HDAC5: variants seen among roughly 807,000 people sequenced by gnomAD.
HDAC5 encodes antigen NY-CO-9.
Under a neutral mutation model 133.3 loss-of-function variants are expected in HDAC5, and 25 were observed. The observed-to-expected ratio is 0.19, with a 90% CI of 0.14 to 0.26. The LOEUF (loss-of-function observed/expected upper bound fraction) is 0.26. Ranked by LOEUF, HDAC5 falls within the 10% of genes least tolerant of loss-of-function variation. HDAC5 has a pLI of 1.00. For synonymous variants in HDAC5, 589 were observed against 610.8 expected (o/e 0.96, Z 0.53); for missense variants, 1,041 against 1,460.5 (o/e 0.71, Z 4.68).
chr17:44,108,765 A>AC (rs1052353387), intron 3 of HDAC5, among the ~76,000 whole-genome samples: 2 of 146,664 alleles, frequency 1.4e-5, no homozygotes, highest in African/African-American at 5.3e-5. Context: ...AAAAAAACAA[A>AC]AAAAAAACAA....
chr17:44,084,778 G>A, intron 15 of HDAC5, 103 bp from the exon 16 acceptor site: 2 of 1,441,684 alleles, frequency 1.4e-6, no homozygotes, highest in Non-Finnish European at 1.9e-6. Context: ...GGCCTCAGGA[G>A]ATCCAAATAT....
intron 16 of HDAC5, among the ~76,000 whole-genome samples, 182 bp downstream of exon 16, chr17:44,084,373 C>G (rs900055494): frequency 6.6e-5 from 10 of 152,218 alleles, no homozygotes; most frequent in Non-Finnish European, 1.5e-5. Flanking sequence ...CGCCCCACAG[C>G]ATGCTCTATT....
In HDAC5 at chr17:44,088,579, G is replaced by C; in HGVS notation, c.1407C>G (p.Ser469=). 1 of 1,613,214 alleles carries C rather than the reference G, an allele frequency of 6.2e-7. No individual in the cohort carries two copies. The highest frequency in any genetic ancestry group is 8.5e-7 in the Non-Finnish European group (1 of 1,179,800). Residue 469 remains serine (S), a synonymous_variant, in exon 12 of 27, where the codon TCC becomes TCG. Coordinates refer to ENST00000682912, the MANE Select transcript of HDAC5 (RefSeq NM_005474.5). ...TLIAVPLHGQ[S]PLVTGERVAT... ...CCACACGTTCACCCGTCACTAGTGGGGACTGCCCGTGGAGTGGCACTACGG... is the reference window on the plus strand; with the variant it reads ...CCACACGTTCACCCGTCACTAGTGGCGACTGCCCGTGGAGTGGCACTACGG...
At chr17:44,094,580 T>A (rs1481900747) in intron 3 of HDAC5, among the ~76,000 whole-genome samples, 1 of 152,094 alleles carries the variant, frequency 6.6e-6, no homozygotes, top group East Asian at 1.9e-4. Context: ...GAGGTTGCAG[T>A]GAGCCAAGAT....
intron 2 of HDAC5, 52 bp from the exon 3 acceptor site, chr17:44,110,852 G>T: frequency 1.4e-6 from 2 of 1,477,466 alleles, no homozygotes; most frequent in Non-Finnish European, 1.9e-6. Context: ...ATCTCCACGA[G>T]CCCCTGAGCC....
intron 11 of HDAC5, among the ~76,000 whole-genome samples, chr17:44,090,094 G>A (rs1034603851): frequency 1.4e-4 from 21 of 151,434 alleles, no homozygotes; most frequent in African/African-American, 4.4e-4. Flanking sequence ...TTAGCCAGGC[G>A]CGGTGGCAGG....
intron 3 of HDAC5, among the ~76,000 whole-genome samples, chr17:44,094,786 G>A (rs1183964215): frequency 6.6e-6 from 1 of 151,808 alleles, no homozygotes; most frequent in African/African-American, 2.4e-5. Flanking sequence ...ACATACATAT[G>A]TGTGTGTATT....
intron 24 of HDAC5, 29 bp downstream of exon 24, chr17:44,079,115 C>T (rs1268572838): frequency 6.3e-7 from 1 of 1,599,628 alleles, no homozygotes; most frequent in Admixed American, 1.7e-5. Context: ...CTCTGGCCTG[C>T]CACCTCCCAG....
At chr17:44,087,086 C>T (rs1316947770) in intron 13 of HDAC5, among the ~76,000 whole-genome samples, 1 of 151,526 alleles carries the variant, frequency 6.6e-6, no homozygotes, top group East Asian at 2.0e-4. Flanking sequence ...GTAGTAACAG[C>T]GGGGGCGTGT....
At chr17:44,119,698 G>A (rs780171441) in intron 1 of HDAC5, among the ~76,000 whole-genome samples, 18 of 152,232 alleles carry the variant, frequency 1.2e-4, no homozygotes, top group Non-Finnish European at 1.6e-4. Context: ...GCCTCCCTGA[G>A]AAACAAAGCA....
At chr17:44,084,776 G>A (rs1021886826) in intron 15 of HDAC5, 101 bp from the exon 16 acceptor site, 4 of 1,456,058 alleles carry the variant, frequency 2.7e-6, no homozygotes, top group African/African-American at 1.4e-5. Flanking sequence ...CTGGCCTCAG[G>A]AGATCCAAAT....
At chr17:44,109,555 A>T (rs2052208831) in intron 3 of HDAC5, among the ~76,000 whole-genome samples, 1 of 152,190 alleles carries the variant, frequency 6.6e-6, no homozygotes, top group African/African-American at 2.4e-5. Context: ...CTCCTACATG[A>T]GAAAACTGCA....
intron 3 of HDAC5, among the ~76,000 whole-genome samples, chr17:44,106,201 CA>C (rs2051929194): frequency 6.6e-6 from 1 of 152,080 alleles, no homozygotes; most frequent in African/African-American, 2.4e-5. Context: ...GGGGATGAGG[CA>C]GGGGGAGGGG....
At chr17:44,102,667 CTTTT>C (rs33983305) in intron 3 of HDAC5, among the ~76,000 whole-genome samples, 5 of 130,064 alleles carry the variant, frequency 3.8e-5, no homozygotes, top group Non-Finnish European at 8.3e-5. Flanking sequence ...CAGGTTCTCT[CTTTT>C]TTTTTTTTTT....
chr17:44,084,415 A>G (rs2050549641), intron 16 of HDAC5, 140 bp downstream of exon 16: 2 of 998,496 alleles, frequency 2.0e-6, no homozygotes, highest in Non-Finnish European at 3.0e-6. Flanking sequence ...GTGTGACGTG[A>G]TAATTGTGCC....
In HDAC5 at chr17:44,091,284, C is replaced by T. The variant is rs1369063838; in HGVS notation, c.1373G>A (p.Ser458Asn). 2.0e-5 allele frequency: 32 copies of T among 1,610,930 alleles called. No individual in the cohort carries two copies. Among genetic ancestry groups the T allele is most frequent in the Middle Eastern group, 1.6e-4 (1 of 6,082 alleles). The change falls in exon 11 of 27, where the codon AGC (serine) becomes AAC (asparagine). Residue 458 changes from serine to asparagine, a missense_variant. Ser to Asn is a conservative substitution (Grantham distance 46, BLOSUM62 1). This residue lies in a region of HDAC5 where 433 missense variants were observed against 531.6 expected (regional missense o/e 0.81). Transcript: ENST00000682912. ...VLLLEQARQQ[S>N]TLIAVPLHGQ... ...TGTCCACTCACCAGCAATGAGGGTG[C>T]TCTGCTGCCGGGCCTGCTCCAGCAA... is the stretch of plus-strand genomic sequence containing the variant.
intron 25 of HDAC5, 47 bp downstream of exon 25, chr17:44,078,748 T>C (rs747985962): frequency 1.9e-6 from 3 of 1,611,488 alleles, no homozygotes; most frequent in Non-Finnish European, 2.5e-6. Flanking sequence ...TCCCACAAGC[T>C]CCGTGCCCCC....
intron 3 of HDAC5, among the ~76,000 whole-genome samples, chr17:44,095,794 AG>A (rs2051234265): frequency 6.6e-6 from 1 of 152,018 alleles, no homozygotes; most frequent in Non-Finnish European, 1.5e-5. Flanking sequence ...GACAGGAAGA[AG>A]GGTAACAGCA....
chr17:44,082,560 C>A, intron 20 of HDAC5, 25 bp downstream of exon 20: 1 of 1,588,780 alleles, frequency 6.3e-7, no homozygotes, highest in Non-Finnish European at 8.6e-7. Flanking sequence ...CCGCCCCTGC[C>A]CAGCCCCACC....
Sources: gnomAD v4.1 joint callset for allele counts (sites outside exome capture counted in the v4.1 genomes callset) on GRCh38, gnomAD v4.1.1 for gene constraint, gnomAD v4.1.1 regional missense constraint, MANE v1.5 for transcripts, NCBI Gene and HGNC (gene_info 2026-07-23, HGNC 2026-07-21) for gene names.